Variants in CHSY1 observed in about 807,000 individuals in gnomAD.
The protein encoded by CHSY1 is N-acetylgalactosaminyl-proteoglycan 3-beta-glucuronosyltransferase 1.
In CHSY1, 13 loss-of-function variants were observed where a neutral mutation model predicts 59.8. The observed-to-expected ratio is 0.22, with a 90% CI of 0.14 to 0.35. CHSY1 has a LOEUF of 0.35. Ranked by LOEUF, CHSY1 falls within the 10% of genes least tolerant of loss-of-function variation. The pLI is 1.00. For synonymous variants in CHSY1, 459 were observed against 401.2 expected, an observed-to-expected ratio of 1.14 and a Z score of -1.72; for missense variants, 947 against 1,030.6, an observed-to-expected ratio of 0.92 and a Z score of 1.11.
intron 1 of CHSY1, among the ~76,000 whole-genome samples, chr15:101,244,091 TA>T (rs1190490067): frequency 6.6e-6 from 1 of 152,230 alleles, no homozygotes; most frequent in Admixed American, 6.5e-5. Context: ...GCTGCAGCTA[TA>T]AATGCTTCAG....
chr15:101,179,786 C>T (rs182077346), intron 2 of CHSY1, among the ~76,000 whole-genome samples: 1 of 152,332 alleles, frequency 6.6e-6, no homozygotes, highest in East Asian at 1.9e-4. Flanking sequence ...AACCCTGCCT[C>T]CGCCCCGTGG....
intron 2 of CHSY1, among the ~76,000 whole-genome samples, chr15:101,211,493 T>C (rs8043304): frequency 0.43 from 64,660 of 151,988 alleles, 17,903 homozygotes; most frequent in African/African-American, 0.79. Flanking sequence ...GTGTAATATA[T>C]ATGTAACTAG....
At chr15:101,224,188 G>A (rs1314954461) in intron 2 of CHSY1, among the ~76,000 whole-genome samples, 1 of 152,138 alleles carries the variant, frequency 6.6e-6, no homozygotes, top group Non-Finnish European at 1.5e-5. Context: ...ATCACCTGAG[G>A]ATATACTTTT....
At chr15:101,242,141 A>G (rs1454810752) in intron 1 of CHSY1, among the ~76,000 whole-genome samples, 1 of 151,990 alleles carries the variant, frequency 6.6e-6, no homozygotes, top group African/African-American at 2.4e-5. Flanking sequence ...CTGTATTTAC[A>G]TTCTCCCCTG....
intron 2 of CHSY1, among the ~76,000 whole-genome samples, chr15:101,189,083 G>A (rs1033427947): frequency 2.6e-5 from 4 of 152,250 alleles, no homozygotes; most frequent in Non-Finnish European, 5.9e-5. Context: ...CGCCGTACCA[G>A]GCAGTGAAAG....
intron 2 of CHSY1, among the ~76,000 whole-genome samples, chr15:101,182,349 T>C (rs1304259619): frequency 6.6e-6 from 1 of 152,202 alleles, no homozygotes; most frequent in Non-Finnish European, 1.5e-5. Flanking sequence ...GGATGATTAG[T>C]GTCACCCAGC....
At chr15:101,234,400 T>C (rs1028181550) in intron 2 of CHSY1, among the ~76,000 whole-genome samples, 2 of 152,222 alleles carry the variant, frequency 1.3e-5, no homozygotes, top group Non-Finnish European at 2.9e-5. Flanking sequence ...GCCAGGCCTT[T>C]GCAAAAACAA....
intron 2 of CHSY1, among the ~76,000 whole-genome samples, chr15:101,205,688 A>C (rs2038617158): frequency 6.6e-6 from 1 of 152,202 alleles, no homozygotes; most frequent in Non-Finnish European, 1.5e-5. Flanking sequence ...GTGGTGGCTC[A>C]CACCTGTAAT....
chr15:101,231,774 T>TAAAGAAAA (rs2038895310), intron 2 of CHSY1, among the ~76,000 whole-genome samples: 2 of 152,244 alleles, frequency 1.3e-5, no homozygotes, highest in East Asian at 3.8e-4. Context: ...CAATTTTCTT[T>TAAAGAAAA]TTGTTCCCTC....
chr15:101,240,362 A>G (rs1235309074), intron 1 of CHSY1, among the ~76,000 whole-genome samples: 1 of 152,212 alleles, frequency 6.6e-6, no homozygotes, highest in African/African-American at 2.4e-5. Flanking sequence ...CTCTTCTGCA[A>G]TATCAACAAG....
chr15:101,193,064 G>C (rs1357390631), intron 2 of CHSY1, among the ~76,000 whole-genome samples: 9 of 152,226 alleles, frequency 5.9e-5, no homozygotes. Context: ...CTGTTACTGT[G>C]CACGTTTTAC....
chr15:101,225,649 C>T (rs1309391890), intron 2 of CHSY1, among the ~76,000 whole-genome samples: 3 of 152,154 alleles, frequency 2.0e-5, no homozygotes, highest in South Asian at 4.1e-4. Flanking sequence ...GATGTCGACT[C>T]CCGCTTTGCC....
rs1293050322 is a variant in CHSY1 at position 101,178,114 on chromosome 15, G to A, written c.1683C>T (p.Pro561=). 3.1e-6 allele frequency: 5 copies of A among 1,614,042 alleles called. No individual in the cohort carries two copies. Among genetic ancestry groups the A allele is most frequent in the Non-Finnish European group, 4.2e-6 (5 of 1,180,000 alleles). ...MGNFEKTCLI[P]NQNVKLVVLL... ...GAACCACGAGCTTGACGTTCTGATT[G>A]GGGATAAGACACGTCTTCTCAAAGT... Residue 561 remains proline, a synonymous_variant, in exon 3 of 3, where the codon CCC becomes CCT. Coordinates refer to ENST00000254190, the MANE Select transcript of CHSY1 (RefSeq NM_014918.5).
chr15:101,198,913 G>C (rs2038538851), intron 2 of CHSY1, among the ~76,000 whole-genome samples: 1 of 152,232 alleles, frequency 6.6e-6, no homozygotes, highest in African/African-American at 2.4e-5. Context: ...ACAGCACAAA[G>C]AGTCTGCTGG....
chr15:101,206,950 G>C (rs1353367374), intron 2 of CHSY1, among the ~76,000 whole-genome samples: 1 of 152,120 alleles, frequency 6.6e-6, no homozygotes, highest in Non-Finnish European at 1.5e-5. Flanking sequence ...AATGTTCTAG[G>C]AACGTATGCC....
At chr15:101,211,916 T>C (rs2038686393) in intron 2 of CHSY1, among the ~76,000 whole-genome samples, 1 of 140,006 alleles carries the variant, frequency 7.1e-6, no homozygotes, top group African/African-American at 2.7e-5. Context: ...AGAAAATATA[T>C]CATCCAAAAA....
At chr15:101,205,345 G>C (rs1320438731) in intron 2 of CHSY1, among the ~76,000 whole-genome samples, 1 of 152,056 alleles carries the variant, frequency 6.6e-6, no homozygotes, top group East Asian at 1.9e-4. Context: ...TGATTCAGAG[G>C]AAAGAAACTA....
In CHSY1 at chr15:101,177,792, A is replaced by C; in HGVS notation, c.2005T>G (p.Tyr669Asp). Residue 669 changes from tyrosine (Y) to aspartate (D), a missense_variant, in exon 3 of 3, where the codon TAT becomes GAT. This residue lies in a region of CHSY1 where 602 missense variants were observed against 676.9 expected (regional missense o/e 0.89). Transcript: ENST00000254190. ...IFSQYDPKIV[Y>D]SGKVPSDNHF... The stretch of plus-strand genomic sequence containing the variant: ...TTGTCACTGGGAACTTTCCCACTAT[A>C]AACAATCTTTGGGTCATACTGGCTG... 6.2e-7 allele frequency: 1 copy of C among 1,614,222 alleles called. No homozygotes were observed. Among genetic ancestry groups the C allele is most frequent in the Non-Finnish European group, 8.5e-7 (1 of 1,180,024 alleles).
At chr15:101,195,244 T>C (rs1418322694) in intron 2 of CHSY1, among the ~76,000 whole-genome samples, 6 of 152,248 alleles carry the variant, frequency 3.9e-5, no homozygotes, top group African/African-American at 7.2e-5. Context: ...AAACTAATTA[T>C]ACTTTGCAAA....
Sources: gnomAD v4.1 joint callset for allele counts (sites outside exome capture counted in the v4.1 genomes callset) on GRCh38, gnomAD v4.1.1 for gene constraint, gnomAD v4.1.1 regional missense constraint, MANE v1.5 for transcripts, NCBI Gene and HGNC (gene_info 2026-07-23, HGNC 2026-07-21) for gene names.